The following ERC2 variants were observed in gnomAD, a reference collection of about 807,000 sequenced individuals.
ERC2 encodes the protein ERC protein 2.
In ERC2, 42 loss-of-function variants were observed where a neutral mutation model predicts 114.8. The ratio of observed to expected loss-of-function variants is 0.37; its 90% CI spans 0.29 to 0.47. The LOEUF is 0.47. Among genes scored for constraint, ERC2 ranks in the 20% least tolerant of loss-of-function variants. ERC2 has a pLI of 0.99. For synonymous variants in ERC2, 454 were observed against 425.5 expected (o/e 1.07, Z -0.82); for missense variants, 939 against 1,150.7 (o/e 0.82, Z 2.66).
At chr3:55,834,087 C>T (rs2060756132) in intron 14 of ERC2, among the ~76,000 whole-genome samples, 2 of 151,864 alleles carry the variant, frequency 1.3e-5, no homozygotes, top group South Asian at 2.1e-4. Flanking sequence ...GCACCCAATA[C>T]AGGAGCACCC....
intron 2 of ERC2, among the ~76,000 whole-genome samples, chr3:56,340,542 A>ATGTGTGTGTGTGTG (rs10690369): frequency 0.015 from 2,068 of 141,472 alleles, 42 homozygotes; most frequent in South Asian, 0.049. Context: ...GAGAGAGTGA[A>ATGTGTGTGTGTGTG]TGTGTGTGTG....
intron 3 of ERC2, among the ~76,000 whole-genome samples, chr3:56,213,867 C>A (rs1401039391): frequency 1.3e-5 from 2 of 152,172 alleles, no homozygotes; most frequent in Non-Finnish European, 2.9e-5. Context: ...GTTCTGCAGC[C>A]TCCACTGCTG....
At chr3:55,945,555 G>A (rs1452703344) in intron 13 of ERC2, among the ~76,000 whole-genome samples, 1 of 152,146 alleles carries the variant, frequency 6.6e-6, no homozygotes, top group East Asian at 1.9e-4. Context: ...TGAAAGCTAT[G>A]CATTTTTGAG....
intron 13 of ERC2, among the ~76,000 whole-genome samples, chr3:55,912,733 C>G (rs996880496): frequency 6.6e-6 from 1 of 151,526 alleles, no homozygotes; most frequent in African/African-American, 2.4e-5. Context: ...TCTCATTACT[C>G]AAACCCAAAA....
chr3:56,382,083 T>C (rs1015779215), intron 2 of ERC2, among the ~76,000 whole-genome samples: 5 of 152,086 alleles, frequency 3.3e-5, no homozygotes, highest in African/African-American at 4.8e-5. Flanking sequence ...CACCCAGAAA[T>C]GGAAACCACA....
chr3:56,241,928 A>G (rs1039900460), intron 3 of ERC2, among the ~76,000 whole-genome samples: 3 of 152,192 alleles, frequency 2.0e-5, no homozygotes, highest in Non-Finnish European at 4.4e-5. Context: ...TGTATTTTCT[A>G]TGGCTGCTGT....
chr3:56,454,846 G>A (rs1207383927), intron 1 of ERC2, among the ~76,000 whole-genome samples: 2 of 116,566 alleles, frequency 1.7e-5, no homozygotes, highest in South Asian at 3.4e-4. Context: ...GCAACAGAGT[G>A]AGACTCTGTC....
chr3:56,130,656 T>C (rs1181119559), intron 6 of ERC2, among the ~76,000 whole-genome samples: 1 of 152,166 alleles, frequency 6.6e-6, no homozygotes, highest in East Asian at 1.9e-4. Flanking sequence ...AGTCCAGAAT[T>C]TGCCACAGAA....
intron 12 of ERC2, among the ~76,000 whole-genome samples, chr3:55,953,395 T>C (rs1385365258): frequency 2.6e-5 from 4 of 152,178 alleles, no homozygotes; most frequent in Non-Finnish European, 5.9e-5. Flanking sequence ...CAGAGCAAGG[T>C]GGATGAGAAT....
chr3:56,214,312 C>G (rs913411321), intron 3 of ERC2, among the ~76,000 whole-genome samples: 2 of 151,406 alleles, frequency 1.3e-5, no homozygotes, highest in Non-Finnish European at 2.9e-5. Context: ...CCTGATGGAG[C>G]TGAAAACTAC....
At chr3:55,595,632 G>A (rs2058092237) in intron 17 of ERC2, among the ~76,000 whole-genome samples, 2 of 152,170 alleles carry the variant, frequency 1.3e-5, no homozygotes, top group African/African-American at 2.4e-5. Context: ...ATTCCTCAGA[G>A]CCAGGATCTA....
chr3:55,526,544 C>A (rs775387480), intron 17 of ERC2, among the ~76,000 whole-genome samples: 2 of 152,102 alleles, frequency 1.3e-5, no homozygotes, highest in Non-Finnish European at 2.9e-5. Flanking sequence ...GGTGGCTGTC[C>A]GTGAGAGAGT....
At chr3:55,895,970 G>A (rs1321282717) in intron 13 of ERC2, among the ~76,000 whole-genome samples, 4 of 152,190 alleles carry the variant, frequency 2.6e-5, no homozygotes, top group African/African-American at 7.2e-5. Flanking sequence ...TGCCACCCCA[G>A]CAGCCGCCTG....
intron 6 of ERC2, among the ~76,000 whole-genome samples, chr3:56,092,547 C>T (rs1348672488): frequency 1.3e-5 from 2 of 152,182 alleles, no homozygotes; most frequent in Admixed American, 1.3e-4. Flanking sequence ...AATAAAACTT[C>T]CAACACTAAC....
At chr3:55,640,567 G>A (rs1031521507) in intron 17 of ERC2, among the ~76,000 whole-genome samples, 5 of 152,206 alleles carry the variant, frequency 3.3e-5, no homozygotes, top group African/African-American at 1.2e-4. Context: ...GAGAAAGAGG[G>A]ATTCCAAGAG....
At chr3:55,879,089 C>CTTTTTTTTTTTTTTTTTTTTTTTTTT in intron 14 of ERC2, among the ~76,000 whole-genome samples, 1 of 45,384 alleles carries the variant, frequency 2.2e-5, no homozygotes, top group Admixed American at 3.2e-4. Context: ...CTTTTTTTTT[C>CTTTTTTTTTTTTTTTTTTTTTTTTTT]TTTTTCTTAA....
At chr3:55,805,324 T>C (rs1409697353) in intron 14 of ERC2, among the ~76,000 whole-genome samples, 1 of 152,012 alleles carries the variant, frequency 6.6e-6, no homozygotes, top group Non-Finnish European at 1.5e-5. Context: ...TTGGTCTGTT[T>C]CATTTACTGC....
At chr3:55,591,184 C>CTT (rs5849105) in intron 17 of ERC2, among the ~76,000 whole-genome samples, 6 of 144,632 alleles carry the variant, frequency 4.1e-5, no homozygotes, top group African/African-American at 1.3e-4. Flanking sequence ...TGTCTTTTAG[C>CTT]TTTTTTTTTT....
chr3:55,515,526 C>T (rs988900724), intron 17 of ERC2, among the ~76,000 whole-genome samples: 6 of 151,680 alleles, frequency 4.0e-5, no homozygotes, highest in Non-Finnish European at 7.4e-5. Flanking sequence ...AGCCATGGTG[C>T]CCAGCCGTTA....
Sources: gnomAD v4.1 joint callset for allele counts (sites outside exome capture counted in the v4.1 genomes callset) on GRCh38, gnomAD v4.1.1 for gene constraint, MANE v1.5 for transcripts, NCBI Gene and HGNC (gene_info 2026-07-23, HGNC 2026-07-21) for gene names.